Variants in PDE11A observed in about 807,000 individuals in gnomAD.
PDE11A encodes phosphodiesterase 11A, also known as dual 3',5'-cyclic-AMP and -GMP phosphodiesterase 11A.
PDE11A carries 100 observed loss-of-function variants against 100.5 expected under a neutral mutation model. The observed-to-expected ratio is 1.00, with a 90% CI of 0.85 to 1.18. The LOEUF is 1.18. PDE11A is among the 50% of genes most tolerant of loss of function. PDE11A has a pLI of 0.00. For synonymous variants in PDE11A, 381 were observed against 420.8 expected (o/e 0.91, Z 1.16); for missense variants, 1,141 against 1,152.6 (o/e 0.99, Z 0.15).
In PDE11A at chr2:177,853,722, G is replaced by A. The variant is rs1278746910; in HGVS notation, c.1368-13339C>T. Among the ~76,000 whole-genome samples, 4 of 103,076 alleles carry A rather than the reference G, an allele frequency of 3.9e-5. 1 individual carries two copies. Among genetic ancestry groups the A allele is most frequent in the Non-Finnish European group, 3.9e-5 (2 of 51,294 alleles). The allele number at this position is 103,076 out of a possible 152,430, so 67.6% of individuals were successfully genotyped here. On this transcript the variant is annotated intron_variant, in intron 5 of 19. Coordinates refer to ENST00000286063, the MANE Select transcript of PDE11A (RefSeq NM_016953.4). Reference sequence around the variant, plus strand: ...TGTGTGTGTGTGTGTGTTTGTGTGTGTGTGTGTGTATATCTATATGTGTGT... The same window carrying A: ...TGTGTGTGTGTGTGTGTTTGTGTGTATGTGTGTGTATATCTATATGTGTGT...
intron 2 of PDE11A, among the ~76,000 whole-genome samples, chr2:177,984,334 G>T (rs1391094873): frequency 2.6e-5 from 4 of 152,146 alleles, no homozygotes; most frequent in Non-Finnish European, 5.9e-5. Context: ...AATATAGAAT[G>T]AATACCTTTC....
chr2:177,845,596 G>A, intron 5 of PDE11A, among the ~76,000 whole-genome samples: 1 of 152,152 alleles, frequency 6.6e-6, no homozygotes, highest in Non-Finnish European at 1.5e-5. Context: ...ATGGGTGGCT[G>A]GGCAGAGACG....
At position 178,021,297 on chromosome 2, in the gene PDE11A, T is replaced by A. The variant is rs980532180; in HGVS notation, c.913-6837A>T. 7.2e-5 allele frequency among the ~76,000 whole-genome samples: 11 copies of A among 152,204 alleles called. No homozygotes were observed. In the East Asian group the frequency reaches 1.5e-3, roughly 21 times the overall value. On this transcript the variant is annotated intron_variant, in intron 1 of 19. Transcript: ENST00000286063. ...CTTAATGGTTTTAAAAAATAATGCATCTTAGGACATGCTTTGTCTGTGTCT... is the reference window on the plus strand; with the variant it reads ...CTTAATGGTTTTAAAAAATAATGCAACTTAGGACATGCTTTGTCTGTGTCT...
intron 1 of PDE11A, among the ~76,000 whole-genome samples, chr2:178,028,841 C>G (rs1050927667): frequency 4.6e-5 from 7 of 152,154 alleles, no homozygotes; most frequent in African/African-American, 1.7e-4. Context: ...CTATAAATCT[C>G]AATTCATTTC....
At chr2:177,713,987 CTTTT>C (rs57211363) in intron 12 of PDE11A, among the ~76,000 whole-genome samples, 1,223 of 77,340 alleles carry the variant, frequency 0.016, 4 homozygotes, top group Middle Eastern at 0.036. Flanking sequence ...TTTCTTTTTT[CTTTT>C]TTTTTTTTTT....
intron 18 of PDE11A, among the ~76,000 whole-genome samples, chr2:177,664,176 G>T (rs182133421): frequency 2.0e-5 from 3 of 152,078 alleles, no homozygotes; most frequent in East Asian, 3.9e-4. Context: ...ACTTTCTAGC[G>T]TGCAACTTCT....
intron 5 of PDE11A, among the ~76,000 whole-genome samples, chr2:177,854,596 T>C (rs1396324254): frequency 6.6e-6 from 1 of 152,074 alleles, no homozygotes; most frequent in African/African-American, 2.4e-5. Context: ...CCCTGAGAGA[T>C]GTGCTTAGGT....
At chr2:178,008,044 CTT>C (rs2086232942) in intron 2 of PDE11A, among the ~76,000 whole-genome samples, 2 of 151,942 alleles carry the variant, frequency 1.3e-5, no homozygotes, top group African/African-American at 4.8e-5. Context: ...AAAAATCTAA[CTT>C]AGTTGAAATG....
chr2:177,885,903 C>G (rs1326270851), intron 4 of PDE11A, among the ~76,000 whole-genome samples: 1 of 152,158 alleles, frequency 6.6e-6, no homozygotes, highest in Non-Finnish European at 1.5e-5. Context: ...ACTCCAGACA[C>G]TAGCCAGGTA....
intron 5 of PDE11A, among the ~76,000 whole-genome samples, chr2:177,848,033 C>G (rs531077336): frequency 6.6e-6 from 1 of 151,994 alleles, no homozygotes; most frequent in Non-Finnish European, 1.5e-5. Context: ...TAACTGTACA[C>G]TGGTGCATAA....
At chr2:177,779,864 T>C (rs6709966) in intron 9 of PDE11A, among the ~76,000 whole-genome samples, 49,611 of 152,116 alleles carry the variant, frequency 0.33, 8,416 homozygotes, top group East Asian at 0.37. Context: ...GAATGGTGAA[T>C]CCTTTCTAGA....
intron 2 of PDE11A, among the ~76,000 whole-genome samples, chr2:177,946,381 C>A (rs867796917): frequency 8.6e-5 from 7 of 81,418 alleles, no homozygotes; most frequent in Admixed American, 3.2e-4. Flanking sequence ...AGGTGAGGGG[C>A]GCCTCTGCCC....
chr2:177,653,282 T>A (rs2080335523), intron 19 of PDE11A, among the ~76,000 whole-genome samples: 1 of 152,238 alleles, frequency 6.6e-6, no homozygotes, highest in Non-Finnish European at 1.5e-5. Flanking sequence ...ATTCTCTCCA[T>A]GAGTGCTCTG....
At chr2:177,653,078 G>T (rs1479918421) in intron 19 of PDE11A, among the ~76,000 whole-genome samples, 5 of 152,226 alleles carry the variant, frequency 3.3e-5, no homozygotes, top group African/African-American at 1.2e-4. Context: ...GCATCCTGCA[G>T]GGAATTGGTT....
chr2:177,988,743 C>A (rs576103992), intron 2 of PDE11A, among the ~76,000 whole-genome samples: 2 of 152,274 alleles, frequency 1.3e-5, no homozygotes, highest in African/African-American at 4.8e-5. Flanking sequence ...GGGAATAAGA[C>A]ATGAATTAAT....
intron 5 of PDE11A, among the ~76,000 whole-genome samples, chr2:177,852,280 G>A (rs1484810431): frequency 1.3e-5 from 2 of 152,152 alleles, no homozygotes; most frequent in Non-Finnish European, 2.9e-5. Flanking sequence ...TTGCCCTTCT[G>A]ACAGCTTGAG....
chr2:177,981,905 T>C (rs967344805), intron 2 of PDE11A, among the ~76,000 whole-genome samples: 1 of 151,088 alleles, frequency 6.6e-6, no homozygotes, highest in Non-Finnish European at 1.5e-5. Context: ...TGAGTATCCT[T>C]CCTGCGCTTA....
chr2:177,945,066 C>G (rs1020746157), intron 2 of PDE11A, among the ~76,000 whole-genome samples: 2 of 150,008 alleles, frequency 1.3e-5, no homozygotes, highest in African/African-American at 4.9e-5. Context: ...GAGTGATCCG[C>G]CAGCCTTGGC....
rs546646469 is a variant in PDE11A at position 177,876,262 on chromosome 2, C to T, written c.1303-339G>A. On this transcript the variant is annotated intron_variant, in intron 4 of 19. Coordinates refer to ENST00000286063, the MANE Select transcript of PDE11A (RefSeq NM_016953.4). ...ACTGTTCTTTTAACAACCCAATCAA[C>T]AGCAATAAGAGACCCAGGTAGGGAC... Among the ~76,000 whole-genome samples the T allele has an allele frequency of 2.0e-5, 3 of 152,322 alleles. No homozygotes were observed. The East Asian group carries it at 5.8e-4, about 29-fold the overall frequency.
Sources: allele counts gnomAD v4.1 joint callset (sites outside exome capture counted in the v4.1 genomes callset), GRCh38; gene constraint gnomAD v4.1.1; transcripts MANE v1.5; gene names NCBI Gene and HGNC (gene_info 2026-07-23, HGNC 2026-07-21).